CDH18: variants seen among roughly 807,000 people sequenced by gnomAD.
CDH18 encodes cadherin 18.
A neutral mutation model predicts 67.9 loss-of-function variants in CDH18; 31 were observed. The ratio of observed to expected loss-of-function variants is 0.46; its 90% CI spans 0.34 to 0.62. The LOEUF (loss-of-function observed/expected upper bound fraction) is 0.62, where lower values mean the gene tolerates loss of function less well. Ranked by LOEUF, CDH18 falls within the 20% of genes least tolerant of loss-of-function variation. CDH18 has a pLI of 0.01. For missense variants in CDH18, 890 were observed against 975.5 expected (o/e 0.91, Z 1.17); for synonymous variants, 362 against 347.2 (o/e 1.04, Z -0.48).
At chr5:20,351,159 T>TC (rs1741139136) in intron 1 of CDH18, among the ~76,000 whole-genome samples, 4 of 128,774 alleles carry the variant, frequency 3.1e-5, no homozygotes, top group Non-Finnish European at 4.9e-5. Flanking sequence ...AGTAAATGTA[T>TC]TTGTGTGTGT....
chr5:19,876,398 A>G (rs1236312436), intron 2 of CDH18, among the ~76,000 whole-genome samples: 1 of 152,246 alleles, frequency 6.6e-6, no homozygotes, highest in South Asian at 2.1e-4. Flanking sequence ...AATATCAACT[A>G]TAAGGTACAA....
intron 1 of CDH18, among the ~76,000 whole-genome samples, chr5:20,473,317 G>A (rs1019989935): frequency 9.9e-5 from 15 of 152,010 alleles, no homozygotes; most frequent in Non-Finnish European, 1.9e-4. Context: ...ACATCTTTCC[G>A]AATTTATGTT....
rs144138134 is a variant in CDH18 at position 19,536,091 on chromosome 5, T to C, written c.1390+7778A>G. On this transcript the variant is annotated intron_variant, in intron 9 of 12. Coordinates refer to ENST00000382275, the MANE Select transcript of CDH18 (RefSeq NM_004934.5). Reference sequence around the variant, plus strand: ...TTAACAAAATTTACTAACCACGTTCTATACACCAAGACATTCACTAAGTAT... The same window carrying C: ...TTAACAAAATTTACTAACCACGTTCCATACACCAAGACATTCACTAAGTAT... Among the ~76,000 whole-genome samples, 14 of 152,306 alleles carry C rather than the reference T, an allele frequency of 9.2e-5. No homozygotes were observed. The East Asian group carries it at 2.5e-3, about 27-fold the overall frequency.
chr5:19,908,858 A>G (rs1298251664), intron 2 of CDH18, among the ~76,000 whole-genome samples: 1 of 152,194 alleles, frequency 6.6e-6, no homozygotes, highest in Non-Finnish European at 1.5e-5. Flanking sequence ...CCCTAAATCC[A>G]AAACGGAATA....
intron 1 of CDH18, chr5:20,305,770 G>A (rs1736388992): frequency 3.6e-6 from 1 of 275,578 alleles, no homozygotes; most frequent in Non-Finnish European, 6.9e-6. Flanking sequence ...CGGCCATTTT[G>A]TAACTCGAAT....
chr5:20,204,425 G>T (rs374545740), intron 2 of CDH18, among the ~76,000 whole-genome samples: 1 of 151,976 alleles, frequency 6.6e-6, no homozygotes, highest in East Asian at 1.9e-4. Context: ...GAAGGAGAGA[G>T]AAATTTTTTC....
chr5:19,621,211 C>T (rs1750634244), intron 5 of CDH18, among the ~76,000 whole-genome samples: 1 of 122,876 alleles, frequency 8.1e-6, no homozygotes, highest in African/African-American at 3.0e-5. Context: ...TAAACAAGAA[C>T]CCAGGTTTTT....
intron 1 of CDH18, among the ~76,000 whole-genome samples, chr5:20,316,478 A>C (rs969871884): frequency 6.6e-6 from 1 of 152,108 alleles, no homozygotes; most frequent in Non-Finnish European, 1.5e-5. Context: ...TCTACATTGC[A>C]CAATACACAT....
chr5:20,451,780 TAA>T (rs1750470521), intron 1 of CDH18, among the ~76,000 whole-genome samples: 2 of 152,194 alleles, frequency 1.3e-5, no homozygotes, highest in South Asian at 4.1e-4. Flanking sequence ...AATTCAAGTT[TAA>T]GTTTGACCTT....
chr5:19,576,125 C>T (rs1377419353), intron 7 of CDH18, among the ~76,000 whole-genome samples: 1 of 151,876 alleles, frequency 6.6e-6, no homozygotes, highest in Non-Finnish European at 1.5e-5. Context: ...CAATGTAAGA[C>T]CTAAAACGAT....
Position 20,376,090 on chromosome 5 carries a change from A to ATTTTTTTTTTTTTTTTT in CDH18, c.-579-120586_-579-120585insAAAAAAAAAAAAAAAAA, listed in dbSNP as rs1562014136. Among the ~76,000 whole-genome samples, 4 of 16,894 alleles carry ATTTTTTTTTTTTTTTTT rather than the reference A, an allele frequency of 2.4e-4. No homozygotes were observed. In the East Asian group the frequency reaches 5.2e-3, roughly 22 times the overall value. 11.1% of individuals were successfully genotyped at this position (16,894 alleles called of 152,430 possible). A position where few individuals can be genotyped will look rare whatever the true frequency, so the allele number is the denominator to read the frequency against. On this transcript the variant is annotated intron_variant, in intron 1 of 14. Coordinates refer to the CDH18 transcript ENST00000507958. The stretch of plus-strand genomic sequence containing the variant: ...AACAGTAAGCAATTTAAAAAGAAAC[A>ATTTTTTTTTTTTTTTTT]ATTTTTTTTTTTTTTTTTTTTGAGA...
intron 1 of CDH18, among the ~76,000 whole-genome samples, chr5:20,536,344 T>C (rs1380604426): frequency 1.3e-5 from 2 of 152,160 alleles, no homozygotes; most frequent in South Asian, 4.1e-4. Flanking sequence ...TGTTCTTCTG[T>C]ATTTTTATAA....
At chr5:20,345,014 G>T (rs1458256365) in intron 1 of CDH18, among the ~76,000 whole-genome samples, 1 of 152,064 alleles carries the variant, frequency 6.6e-6, no homozygotes, top group Admixed American at 6.6e-5. Context: ...CACTCTCATT[G>T]CTAATCCCAT....
chr5:20,312,430 A>C (rs1297101819), intron 1 of CDH18, among the ~76,000 whole-genome samples: 1 of 152,196 alleles, frequency 6.6e-6, no homozygotes, highest in East Asian at 1.9e-4. Flanking sequence ...ACAAAAAGTC[A>C]CCATAAGGGG....
At position 20,058,185 on chromosome 5, in the gene CDH18, G is replaced by A. The variant is rs62352575; in HGVS notation, c.-517-66171C>T. On this transcript the variant is annotated intron_variant, in intron 2 of 14. Transcript: ENST00000507958. ...TCTTTCCTAAATGAATGTACACATC[G>A]AGTAGTACTCTAGAATTGTATTAGA... Among the ~76,000 whole-genome samples, 961 of 152,136 alleles carry A rather than the reference G, an allele frequency of 6.3e-3. 8 individuals are homozygous for A. Among genetic ancestry groups the A allele is most frequent in the South Asian group, 0.012 (56 of 4,822 alleles).
At chr5:20,230,144 G>A (rs536564266) in intron 2 of CDH18, among the ~76,000 whole-genome samples, 2 of 152,186 alleles carry the variant, frequency 1.3e-5, no homozygotes, top group South Asian at 2.1e-4. Flanking sequence ...CATTCATTAG[G>A]AATAATACAT....
intron 2 of CDH18, among the ~76,000 whole-genome samples, chr5:20,119,132 G>GA (rs1491392742): frequency 1.6e-4 from 24 of 151,430 alleles, no homozygotes; most frequent in Admixed American, 9.2e-4. Flanking sequence ...AGATTTTCTG[G>GA]AAAAAAAATC....
At chr5:20,383,089 G>A (rs920572877) in intron 1 of CDH18, among the ~76,000 whole-genome samples, 2 of 152,054 alleles carry the variant, frequency 1.3e-5, no homozygotes, top group African/African-American at 4.8e-5. Context: ...TAAATGCAGA[G>A]ATATTGTAAT....
intron 2 of CDH18, among the ~76,000 whole-genome samples, chr5:19,851,061 T>C (rs77180555): frequency 0.011 from 1,724 of 151,932 alleles, 16 homozygotes; most frequent in Non-Finnish European, 0.019. Flanking sequence ...TGTTGAATAT[T>C]AGTGAAAAGT....
Sources: gnomAD v4.1 joint callset for allele counts (sites outside exome capture counted in the v4.1 genomes callset) on GRCh38, gnomAD v4.1.1 for gene constraint, MANE v1.5 for transcripts, NCBI Gene and HGNC (gene_info 2026-07-23, HGNC 2026-07-21) for gene names.